The following TCEA1 variants were observed in gnomAD, a reference collection of about 807,000 sequenced individuals.
TCEA1 encodes the protein transcription elongation factor A protein 1.
TCEA1 carries 21 observed loss-of-function variants against 43.8 expected under a neutral mutation model. The ratio of observed to expected loss-of-function variants is 0.48; its 90% CI spans 0.34 to 0.69. The LOEUF (loss-of-function observed/expected upper bound fraction) is 0.69, where lower values mean the gene tolerates loss of function less well. TCEA1 is among the 30% of genes least tolerant of loss of function. The probability of loss-of-function intolerance (pLI) is 0.01; values close to 1 mark genes in which losing one functional copy is unlikely to be tolerated. For synonymous variants in TCEA1, 104 were observed against 117.5 expected, an observed-to-expected ratio of 0.88 and a Z score of 0.75; for missense variants, 250 against 365.1, an observed-to-expected ratio of 0.68 and a Z score of 2.57.
At chr8:53,973,383 A>G (rs1803226613) in intron 8 of TCEA1, 1 of 507,540 alleles carries the variant, frequency 2.0e-6, no homozygotes, top group African/African-American at 2.0e-5. Flanking sequence ...AAAAAAAGAC[A>G]AAAAGAAAAA....
intron 1 of TCEA1, among the ~76,000 whole-genome samples, chr8:54,013,818 G>A (rs1227250163): frequency 6.6e-6 from 1 of 152,058 alleles, no homozygotes; most frequent in Non-Finnish European, 1.5e-5. Context: ...TATGTGCTTG[G>A]CATTGTTAAA....
At chr8:53,973,294 A>C (rs1563461648) in intron 8 of TCEA1, 1 of 513,466 alleles carries the variant, frequency 1.9e-6, no homozygotes. Flanking sequence ...GTCTTAAAGA[A>C]AGTGCAAAGA....
chr8:53,988,399 A>C (rs1410785984), intron 4 of TCEA1, 140 bp from the exon 5 acceptor site: 15 of 1,013,112 alleles, frequency 1.5e-5, no homozygotes, highest in Non-Finnish European at 2.0e-5. Flanking sequence ...TGATGGAAAA[A>C]AAATTGCCTG....
At position 53,993,658 on chromosome 8, in the gene TCEA1, T is replaced by A; in HGVS notation, c.320+10A>T. 6.2e-7 allele frequency: 1 copy of A among 1,604,252 alleles called. No homozygotes were observed. The highest frequency in any genetic ancestry group is 8.5e-7 in the Non-Finnish European group (1 of 1,173,724). On this transcript the variant is annotated intron_variant, in intron 4 of 9. Transcript: ENST00000521604. ...TTTCAATATAAATATATGTCTATAC[T>A]GTGAAGTACCTTTCTTCTCTTGCCT...
chr8:54,006,860 CAG>C (rs1436819845), intron 2 of TCEA1, among the ~76,000 whole-genome samples: 1 of 152,062 alleles, frequency 6.6e-6, no homozygotes, highest in Non-Finnish European at 1.5e-5. Flanking sequence ...TTTTTTGATA[CAG>C]AGTCTTGCTC....
At chr8:54,004,180 T>C (rs1804365724) in intron 2 of TCEA1, among the ~76,000 whole-genome samples, 1 of 152,194 alleles carries the variant, frequency 6.6e-6, no homozygotes. Flanking sequence ...CGTTTACTGC[T>C]ACTAGGGATA....
At chr8:53,973,476 TA>T (rs765703969) in intron 8 of TCEA1, 10 of 495,380 alleles carry the variant, frequency 2.0e-5, no homozygotes, top group Non-Finnish European at 3.4e-5. Context: ...TAAAGAAGTT[TA>T]AAAAAATAGG....
chr8:53,985,163 C>T (rs1019510818), intron 6 of TCEA1, among the ~76,000 whole-genome samples: 7 of 152,002 alleles, frequency 4.6e-5, no homozygotes, highest in Admixed American at 6.5e-5. Flanking sequence ...ATTATAAGCG[C>T]CTGCCACCAT....
intron 1 of TCEA1, among the ~76,000 whole-genome samples, chr8:54,015,192 G>A (rs929508117): frequency 6.8e-6 from 1 of 148,140 alleles, no homozygotes; most frequent in Non-Finnish European, 1.5e-5. Flanking sequence ...TTTTTTTTGA[G>A]ACAGTCTCAC....
chr8:54,015,529 T>C (rs978740589), intron 1 of TCEA1, among the ~76,000 whole-genome samples: 18 of 152,182 alleles, frequency 1.2e-4, no homozygotes, highest in African/African-American at 3.9e-4. Context: ...ATAACATCAC[T>C]ATAAAGCTAG....
chr8:54,013,680 C>CAAAAAAAAAAAAAAAAAAAAACAAAAAAA (rs1804727875), intron 1 of TCEA1, among the ~76,000 whole-genome samples: 2 of 65,300 alleles, frequency 3.1e-5, no homozygotes, highest in Non-Finnish European at 5.5e-5. Context: ...AACTCCATCT[C>CAAAAAAAAAAAAAAAAAAAAACAAAAAAA]AAAAAAAAAA....
intron 2 of TCEA1, among the ~76,000 whole-genome samples, chr8:54,005,355 G>C (rs1420139454): frequency 6.6e-6 from 1 of 152,134 alleles, no homozygotes; most frequent in Non-Finnish European, 1.5e-5. Flanking sequence ...ACTCACATCA[G>C]AAACATTTCC....
chr8:54,012,149 A>C (rs1443195707), intron 1 of TCEA1, among the ~76,000 whole-genome samples: 1 of 152,256 alleles, frequency 6.6e-6, no homozygotes, highest in Non-Finnish European at 1.5e-5. Flanking sequence ...AAAACCTTTG[A>C]AAAGCAAAAG....
At chr8:54,011,775 T>G (rs556743613) in intron 1 of TCEA1, among the ~76,000 whole-genome samples, 1 of 152,202 alleles carries the variant, frequency 6.6e-6, no homozygotes, top group Non-Finnish European at 1.5e-5. Flanking sequence ...AATTTTTCAT[T>G]TAAAGGTGAC....
At chr8:53,995,661 T>G (rs1464533509) in intron 3 of TCEA1, among the ~76,000 whole-genome samples, 1 of 152,200 alleles carries the variant, frequency 6.6e-6, no homozygotes, top group Admixed American at 6.5e-5. Flanking sequence ...CAGAATCACC[T>G]AGGGAGCTTT....
chr8:53,997,912 A>C (rs1804116853), intron 3 of TCEA1, among the ~76,000 whole-genome samples: 1 of 152,236 alleles, frequency 6.6e-6, no homozygotes, highest in South Asian at 2.1e-4. Flanking sequence ...GGATAGGGGA[A>C]TAAACCTGCT....
At chr8:54,019,608 C>T (rs1217719130) in intron 1 of TCEA1, among the ~76,000 whole-genome samples, 1 of 145,914 alleles carries the variant, frequency 6.9e-6, no homozygotes, top group African/African-American at 2.5e-5. Context: ...TAATATAAAA[C>T]ATTAAAAAAG....
At chr8:54,010,622 C>T in intron 1 of TCEA1, 130 bp from the exon 2 acceptor site, 1 of 631,968 alleles carries the variant, frequency 1.6e-6, no homozygotes, top group South Asian at 2.2e-5. Context: ...GCAACAGCAC[C>T]ACCTATAGCT....
At chr8:53,985,662 C>T (rs1803669284) in intron 6 of TCEA1, among the ~76,000 whole-genome samples, 1 of 152,130 alleles carries the variant, frequency 6.6e-6, no homozygotes, top group Admixed American at 6.5e-5. Flanking sequence ...AGGCCATTTC[C>T]TCAACCAGGA....
Sources: gnomAD v4.1 joint callset for allele counts (sites outside exome capture counted in the v4.1 genomes callset) on GRCh38, gnomAD v4.1.1 for gene constraint, MANE v1.5 for transcripts, NCBI Gene and HGNC (gene_info 2026-07-23, HGNC 2026-07-21) for gene names.